The following PCDHB13 variants were observed in gnomAD, a reference collection of about 807,000 sequenced individuals.
PCDHB13 encodes the protein protocadherin beta 13.
For missense variants in PCDHB13, 1,065 were observed against 1,016.7 expected, an observed-to-expected ratio of 1.05 and a Z score of -0.65; for synonymous variants, 515 against 450.7, an observed-to-expected ratio of 1.14 and a Z score of -1.81.
chr5:141,215,719 C>T lies in PCDHB13; in HGVS notation c.1596C>T (p.Gly532=). ...EALQGFQFRV[G]ASDHGSPALS... is the part of the protein sequence containing the mutation. ...TGCAGGGGTTCCAGTTCCGCGTGGG[C>T]GCTTCAGACCACGGCTCCCCGGCGC... Residue 532 remains glycine, a synonymous_variant, in exon 1 of 1, where the codon GGC becomes GGT. Coordinates refer to ENST00000341948, the MANE Select transcript of PCDHB13 (RefSeq NM_018933.4). 1 of 1,612,562 alleles carries T rather than the reference C, an allele frequency of 6.2e-7. No individual in the cohort carries two copies. Among genetic ancestry groups the T allele is most frequent in the Non-Finnish European group, 8.5e-7 (1 of 1,179,882 alleles).
chr5:141,215,921 G>T lies in PCDHB13; in HGVS notation c.1798G>T (p.Ala600Ser), dbSNP rs1554288055. 15 of 1,606,670 alleles carry T rather than the reference G, an allele frequency of 9.3e-6. No homozygotes were observed. The highest frequency in any genetic ancestry group is 1.3e-5 in the Non-Finnish European group (15 of 1,179,072). The change falls in exon 1 of 1, where the codon GCC becomes TCC. Residue 600 changes from alanine to serine, a missense_variant. Physicochemically the swap from Ala to Ser is moderately conservative, Grantham distance 99. Transcript: ENST00000341948. ...GGTGGACGGCGACTCGGGCCAGAAC[G>T]CCTGGCTGTCGTACCAGCTGCTCAA... ...VAVDGDSGQN[A>S]WLSYQLLKAT... is the part of the protein sequence containing the mutation.
rs540221990 is a variant in PCDHB13, at chr5:141,214,256, T to C, written c.133T>C (p.Phe45Leu). The C allele has an allele frequency of 7.1e-4, 1,122 of 1,581,868 alleles. 2 individuals are homozygous for C. Among genetic ancestry groups the C allele is most frequent in the Non-Finnish European group, 5.1e-4 (588 of 1,154,776 alleles). Residue 45 changes from phenylalanine to leucine, a missense_variant, in exon 1 of 1, where the codon TTT (phenylalanine) becomes CTT (leucine). Physicochemically the swap from Phe to Leu is conservative, Grantham distance 22. Coordinates refer to ENST00000341948, the MANE Select transcript of PCDHB13 (RefSeq NM_018933.4). ...GGTGGAGGAAACTGAGGGCAGCTCC[T>C]TTGTCACCAATTTAGCAAAGGACCT... Reference protein sequence around the residue: ...SVVEETEGSSFVTNLAKDLGL... With the variant: ...SVVEETEGSSLVTNLAKDLGL...
chr5:141,214,689 G>C lies in PCDHB13; in HGVS notation c.566G>C (p.Gly189Ala), dbSNP rs370395249. Reference protein sequence around the residue: ...FRVLTRKRSDGRKYPELVLDK... With the variant: ...FRVLTRKRSDARKYPELVLDK... ...GTCCTCACCCGCAAACGCAGTGATG[G>C]CAGGAAATACCCAGAGCTGGTGCTG... Residue 189 changes from glycine (G) to alanine (A), a missense_variant, in exon 1 of 1, where the codon GGC (glycine) becomes GCC (alanine). Gly to Ala is a moderately conservative substitution (Grantham distance 60). Coordinates refer to ENST00000341948, the MANE Select transcript of PCDHB13 (RefSeq NM_018933.4). The C allele has an allele frequency of 7.8e-5, 126 of 1,614,072 alleles. No homozygotes were observed. The South Asian group carries it at 1.3e-3, about 17-fold the overall frequency.
rs1554287707 is a variant in PCDHB13 at position 141,214,770 on chromosome 5, T to C, written c.647T>C (p.Leu216Pro). The part of the protein sequence containing the change: ...EAELRLTLTA[L>P]DGGSPPRSGT... ...GAGCTCAGGTTAACACTCACAGCAC[T>C]GGATGGTGGCTCTCCGCCCAGATCT... The change falls in exon 1 of 1, where the codon CTG (leucine) becomes CCG (proline). Residue 216 changes from leucine (L) to proline (P), a missense_variant. By Grantham distance (98) the Leu-to-Pro change is moderately conservative. Coordinates refer to ENST00000341948, the MANE Select transcript of PCDHB13 (RefSeq NM_018933.4). 6.2e-7 allele frequency: 1 copy of C among 1,614,166 alleles called. No individual in the cohort carries two copies. The highest frequency in any genetic ancestry group is 1.1e-5 in the South Asian group (1 of 91,080).
In PCDHB13 at chr5:141,216,211, G is replaced by T. The variant is rs782792269; in HGVS notation, c.2088G>T (p.Ser696=). The part of the protein sequence containing the change: ...LTVYLVVALA[S]VSSLFLFSVL... ...TCTACCTGGTGGTGGCGTTGGCCTC[G>T]GTGTCTTCGCTCTTCCTCTTTTCGG... Residue 696 remains serine (S), a synonymous_variant, in exon 1 of 1, where the codon TCG becomes TCT. Transcript: ENST00000341948. 6.2e-7 allele frequency: 1 copy of T among 1,612,674 alleles called. No individual in the cohort carries two copies. The highest frequency in any genetic ancestry group is 8.5e-7 in the Non-Finnish European group (1 of 1,179,872).
Position 141,215,804 on chromosome 5 carries a change from G to C in PCDHB13, c.1681G>C (p.Val561Leu), listed in dbSNP as rs782015940. Reference sequence around the variant, plus strand: ...GGACGCCAACGACAACTCGCCCTTCGTGCTGTACCCGCTGCAGAACGGCTC... The same window carrying C: ...GGACGCCAACGACAACTCGCCCTTCCTGCTGTACCCGCTGCAGAACGGCTC... ...VLDANDNSPF[V>L]LYPLQNGSAP... Residue 561 changes from valine to leucine, a missense_variant, in exon 1 of 1, where the codon GTG becomes CTG. Transcript: ENST00000341948. 14 of 1,611,280 alleles carry C rather than the reference G, an allele frequency of 8.7e-6. No individual in the cohort carries two copies. The South Asian group carries it at 8.8e-5, about 10-fold the overall frequency.
Position 141,214,500 on chromosome 5 carries a change from A to G in PCDHB13, c.377A>G (p.Asp126Gly). The G allele has an allele frequency of 3.6e-5, 58 of 1,603,582 alleles. No homozygotes were observed. Among genetic ancestry groups the G allele is most frequent in the Non-Finnish European group, 5.0e-5 (58 of 1,171,160 alleles). Residue 126 changes from aspartate to glycine, a missense_variant, in exon 1 of 1, where the codon GAC (aspartate) becomes GGC (glycine). Coordinates refer to ENST00000341948, the MANE Select transcript of PCDHB13 (RefSeq NM_018933.4). ...EFFQAELQVIDINDHSPVFLD... is the reference protein window; with the variant it reads ...EFFQAELQVIGINDHSPVFLD... The stretch of plus-strand genomic sequence containing the variant: ...TTTCAAGCTGAGCTGCAAGTAATAG[A>G]CATAAACGACCACTCTCCAGTATTT...
Position 141,214,220 on chromosome 5 carries a change from A to C in PCDHB13, c.97A>C (p.Ser33Arg). ...LSLAGAAEPR[S>R]YSVVEETEGS... Reference sequence around the variant, plus strand: ...TCTGGCGGGCGCGGCGGAACCTAGAAGCTATTCTGTGGTGGAGGAAACTGA... The same window carrying C: ...TCTGGCGGGCGCGGCGGAACCTAGACGCTATTCTGTGGTGGAGGAAACTGA... Residue 33 changes from serine to arginine, a missense_variant, in exon 1 of 1, where the codon AGC (serine) becomes CGC (arginine). Transcript: ENST00000341948. 1 of 1,606,310 alleles carries C rather than the reference A, an allele frequency of 6.2e-7. No individual in the cohort carries two copies. Among genetic ancestry groups the C allele is most frequent in the South Asian group, 1.1e-5 (1 of 90,552 alleles).
At position 141,214,315 on chromosome 5, in the gene PCDHB13, G is replaced by A; in HGVS notation, c.192G>A (p.Gly64=). The A allele has an allele frequency of 2.1e-6, 3 of 1,458,466 alleles. No individual in the cohort carries two copies. Among genetic ancestry groups the A allele is most frequent in the Non-Finnish European group, 2.8e-6 (3 of 1,054,660 alleles). The allele number at this position is 1,458,466 out of a possible 1,614,324, so 90.3% of individuals were successfully genotyped here. The part of the protein sequence containing the change: ...GLEQREFSRR[G]VRVVSRGNKL... ...AGCAGAGGGAATTCTCCAGGCGGGGGGTTAGGGTTGTTTCCAGAGGGAACA... is the reference window on the plus strand; with the variant it reads ...AGCAGAGGGAATTCTCCAGGCGGGGAGTTAGGGTTGTTTCCAGAGGGAACA... The change falls in exon 1 of 1, where the codon GGG becomes GGA. Residue 64 remains glycine, a synonymous_variant. Coordinates refer to ENST00000341948, the MANE Select transcript of PCDHB13 (RefSeq NM_018933.4).
rs1302806529 is a variant in PCDHB13, at chr5:141,214,808, G to T, written c.685G>T (p.Val229Phe). 2 of 1,614,096 alleles carry T rather than the reference G, an allele frequency of 1.2e-6. No individual in the cohort carries two copies. Among genetic ancestry groups the T allele is most frequent in the South Asian group, 1.1e-5 (1 of 91,090 alleles). ...GSPPRSGTAQ[V>F]YIEVLDVNDN... ...TCCGCCCAGATCTGGCACTGCTCAG[G>T]TCTACATCGAAGTCCTGGATGTCAA... Residue 229 changes from valine (V) to phenylalanine (F), a missense_variant, in exon 1 of 1, where the codon GTC (valine) becomes TTC (phenylalanine). Coordinates refer to ENST00000341948, the MANE Select transcript of PCDHB13 (RefSeq NM_018933.4).
rs782581467 is a variant in PCDHB13, at chr5:141,215,550, C to A, written c.1427C>A (p.Thr476Lys). The change falls in exon 1 of 1, where the codon ACA (threonine) becomes AAA (lysine). Residue 476 changes from threonine to lysine, a missense_variant. Transcript: ENST00000341948. Reference sequence around the variant, plus strand: ...CTGCACATCCGCAGCGTCAGCGCTACAGACAGAGACTCAGGCACCAACGCC... The same window carrying A: ...CTGCACATCCGCAGCGTCAGCGCTAAAGACAGAGACTCAGGCACCAACGCC... ...PALHIRSVSA[T>K]DRDSGTNAQV... is the part of the protein sequence containing the mutation. 57 of 1,613,600 alleles carry A rather than the reference C, an allele frequency of 3.5e-5. No individual in the cohort carries two copies. In the East Asian group the frequency reaches 1.3e-3, roughly 36 times the overall value.
rs782587225 is a variant in PCDHB13 at position 141,216,366 on chromosome 5, G to T, written c.2243G>T (p.Ser748Ile). 19 of 1,614,156 alleles carry T rather than the reference G, an allele frequency of 1.2e-5. No homozygotes were observed. The highest frequency in any genetic ancestry group is 1.5e-5 in the Non-Finnish European group (18 of 1,180,030). The change falls in exon 1 of 1, where the codon AGC becomes ATC. Residue 748 changes from serine (S) to isoleucine (I), a missense_variant. Coordinates refer to ENST00000341948, the MANE Select transcript of PCDHB13 (RefSeq NM_018933.4). Reference sequence around the variant, plus strand: ...AGCGGCACCAGGACCCTATCCCAGAGCTACCAGTATGAGGTGTGTCTGGCA... The same window carrying T: ...AGCGGCACCAGGACCCTATCCCAGATCTACCAGTATGAGGTGTGTCTGGCA... ...DMSGTRTLSQ[S>I]YQYEVCLAGG...
At position 141,216,349 on chromosome 5, in the gene PCDHB13, C is replaced by A; in HGVS notation, c.2226C>A (p.Thr742=). 6.2e-7 allele frequency: 1 copy of A among 1,614,174 alleles called. No individual in the cohort carries two copies. The highest frequency in any genetic ancestry group is 8.5e-7 in the Non-Finnish European group (1 of 1,180,048). Residue 742 remains threonine, a synonymous_variant, in exon 1 of 1, where the codon ACC becomes ACA. Coordinates refer to ENST00000341948, the MANE Select transcript of PCDHB13 (RefSeq NM_018933.4). ...GGCATCTTGTGGACATGAGCGGCAC[C>A]AGGACCCTATCCCAGAGCTACCAGT... ...LPGHLVDMSG[T]RTLSQSYQYE... is the part of the protein sequence containing the mutation.
Position 141,217,594 on chromosome 5 carries a change from A to G in PCDHB13, c.*1074A>G, listed in dbSNP as rs1353849213. ...AAAGCATACCAGATGTTGAACATTG[A>G]TAGTATCAAAAGATAGTCCCTTAGG... On this transcript the variant is annotated 3_prime_UTR_variant, in exon 1 of 1. Transcript: ENST00000341948. The G allele has an allele frequency of 1.2e-5, 2 of 167,026 alleles. No homozygotes were observed. Among genetic ancestry groups the G allele is most frequent in the Non-Finnish European group, 2.9e-5 (2 of 68,122 alleles). The allele number at this position is 167,026 out of a possible 1,614,324, so 10.3% of individuals were successfully genotyped here.
chr5:141,215,765 C>G lies in PCDHB13; in HGVS notation c.1642C>G (p.Arg548Gly). ...SPALSSEALVRVVVLDANDNS... is the reference protein window; with the variant it reads ...SPALSSEALVGVVVLDANDNS... Reference sequence around the variant, plus strand: ...GGCGCTGAGCAGCGAGGCGCTGGTGCGCGTGGTGGTGCTGGACGCCAACGA... The same window carrying G: ...GGCGCTGAGCAGCGAGGCGCTGGTGGGCGTGGTGGTGCTGGACGCCAACGA... The change falls in exon 1 of 1, where the codon CGC (arginine) becomes GGC (glycine). Residue 548 changes from arginine (R) to glycine (G), a missense_variant. By Grantham distance (125) the Arg-to-Gly change is moderately radical. Transcript: ENST00000341948. The G allele has an allele frequency of 1.2e-6, 2 of 1,611,782 alleles. No individual in the cohort carries two copies. The highest frequency in any genetic ancestry group is 1.7e-6 in the Non-Finnish European group (2 of 1,179,694).
chr5:141,216,466 AGAAATACAAG>A lies in PCDHB13; in HGVS notation c.2349_2358del (p.Gln784LeufsTer16). ...ACTTCCCTCCCCAGTGCCCTGGGAA[AGAAATACAAG>A]GAAATTCTACCTTCCCCAATAACTT... On this transcript the variant is annotated frameshift_variant, in exon 1 of 1. Transcript: ENST00000341948. LOFTEE classifies it low-confidence loss of function (END_TRUNC). The A allele has an allele frequency of 1.2e-6, 2 of 1,614,078 alleles. No individual in the cohort carries two copies. Among genetic ancestry groups the A allele is most frequent in the African/African-American group, 2.7e-5 (2 of 75,042 alleles).
chr5:141,214,457 G>T lies in PCDHB13; in HGVS notation c.334G>T (p.Glu112Ter). ...PCVLRFQVLL[E>*]SPFEFFQAEL... ...TGTGCTACGTTTCCAAGTGTTGCTA[G>T]AGAGTCCCTTCGAGTTTTTTCAAGC... is the stretch of plus-strand genomic sequence containing the variant. The change falls in exon 1 of 1, where the codon GAG becomes TAG. Residue 112 changes from glutamate to a stop codon, truncating the protein, a stop_gained. Coordinates refer to ENST00000341948, the MANE Select transcript of PCDHB13 (RefSeq NM_018933.4). LOFTEE classifies it low-confidence loss of function (END_TRUNC). The T allele has an allele frequency of 6.5e-7, 1 of 1,537,254 alleles. No homozygotes were observed.
rs1488105597 is a variant in PCDHB13, at chr5:141,217,315, C to A, written c.*795C>A. 6.0e-6 allele frequency: 1 copy of A among 166,836 alleles called. No homozygotes were observed. The highest frequency in any genetic ancestry group is 1.5e-5 in the Non-Finnish European group (1 of 68,094). 10.3% of individuals were successfully genotyped at this position (166,836 alleles called of 1,614,324 possible). A position where few individuals can be genotyped will look rare whatever the true frequency, so the allele number is the denominator to read the frequency against. ...TATCATATAATTTAATGTATATACACCAGAAACTATTTTTCAAACTTTTTT... is the reference window on the plus strand; with the variant it reads ...TATCATATAATTTAATGTATATACAACAGAAACTATTTTTCAAACTTTTTT... On this transcript the variant is annotated 3_prime_UTR_variant, in exon 1 of 1. Transcript: ENST00000341948.
At position 141,215,103 on chromosome 5, in the gene PCDHB13, C is replaced by T. The variant is rs114453992; in HGVS notation, c.980C>T (p.Thr327Ile). 2.0e-5 allele frequency: 33 copies of T among 1,613,996 alleles called. 1 individual carries two copies. In the Middle Eastern group the frequency reaches 6.6e-4, roughly 32 times the overall value. ...EVNIEARDAG[T>I]FSGKCTVLIQ... ...AATATTGAGGCAAGAGATGCTGGAACCTTTTCTGGAAAATGCACCGTTCTG... is the reference window on the plus strand; with the variant it reads ...AATATTGAGGCAAGAGATGCTGGAATCTTTTCTGGAAAATGCACCGTTCTG... Residue 327 changes from threonine (T) to isoleucine (I), a missense_variant, in exon 1 of 1, where the codon ACC (threonine) becomes ATC (isoleucine). Transcript: ENST00000341948.
Sources: allele counts gnomAD v4.1 joint callset, GRCh38; gene constraint gnomAD v4.1.1; transcripts MANE v1.5; gene names NCBI Gene and HGNC (gene_info 2026-07-23, HGNC 2026-07-21).